FEZ1: variants seen among roughly 807,000 people sequenced by gnomAD.
FEZ1 encodes the protein fasciculation and elongation protein zeta-1.
Under a neutral mutation model 49.3 loss-of-function variants are expected in FEZ1, and 20 were observed. The observed-to-expected ratio is 0.41, with a 90% CI of 0.29 to 0.59. FEZ1 has a LOEUF of 0.59. FEZ1 is among the 20% of genes least tolerant of loss of function. The pLI is 0.36. For synonymous variants in FEZ1, 170 were observed against 180.9 expected (o/e 0.94, Z 0.48); for missense variants, 413 against 476.0 (o/e 0.87, Z 1.23).
intron 2 of FEZ1, chr11:125,488,661 T>C (rs1957351858): frequency 6.3e-6 from 6 of 951,934 alleles, no homozygotes; most frequent in East Asian, 1.2e-4. Context: ...GCCTGGGCGA[T>C]AGAATGAAAC....
intron 5 of FEZ1, among the ~76,000 whole-genome samples, chr11:125,458,835 G>A (rs181298529): frequency 1.3e-4 from 20 of 152,256 alleles, no homozygotes; most frequent in African/African-American, 3.9e-4. Context: ...TTGGGAGGCC[G>A]AGGCAGTCGG....
intron 1 of FEZ1, among the ~76,000 whole-genome samples, chr11:125,491,566 G>A (rs552623302): frequency 2.6e-5 from 4 of 152,128 alleles, no homozygotes; most frequent in African/African-American, 9.7e-5. Context: ...TTTCTCTTCG[G>A]TCTATAGGGT....
At chr11:125,488,518 C>T (rs566925823) in intron 2 of FEZ1, among the ~76,000 whole-genome samples, 1 of 152,074 alleles carries the variant, frequency 6.6e-6, no homozygotes, top group East Asian at 1.9e-4. Context: ...CATCTCTACT[C>T]AAAATACAAA....
In FEZ1 at chr11:125,489,841, G is replaced by A. The variant is rs933907629; in HGVS notation, c.-45-19C>T. The A allele has an allele frequency of 1.7e-5, 26 of 1,504,008 alleles. No individual in the cohort carries two copies. Among genetic ancestry groups the A allele is most frequent in the Admixed American group, 2.3e-5 (1 of 43,000 alleles). 93.2% of individuals were successfully genotyped at this position (1,504,008 alleles called of 1,614,324 possible). ...AGTTTATCTAAAAGAAATGAACAGC[G>A]TAATGTGAGTTTAGACCAGGCTAAT... is the stretch of plus-strand genomic sequence containing the variant. On this transcript the variant is annotated intron_variant, in intron 1 of 9. Coordinates refer to ENST00000278919, the MANE Select transcript of FEZ1 (RefSeq NM_005103.5). The surrounding 1 kb of genome is among the most constrained non-coding windows in gnomAD (Gnocchi z 4.2).
At chr11:125,492,509 T>C (rs1363120258) in intron 1 of FEZ1, among the ~76,000 whole-genome samples, 2 of 152,226 alleles carry the variant, frequency 1.3e-5, no homozygotes, top group African/African-American at 4.8e-5. Flanking sequence ...TTAGAAAAGA[T>C]GGCAGAATGC....
chr11:125,470,405 T>A (rs538287244), intron 3 of FEZ1, among the ~76,000 whole-genome samples: 37 of 152,144 alleles, frequency 2.4e-4, no homozygotes, highest in Admixed American at 5.2e-4. Flanking sequence ...AATAAGCAGA[T>A]AGAATTATGG....
At position 125,489,068 on chromosome 11, in the gene FEZ1, G is replaced by A. The variant is rs1957355630; in HGVS notation, c.311+399C>T. On this transcript the variant is annotated intron_variant, in intron 2 of 9. Transcript: ENST00000278919. This position sits in a 1 kb window ranked among gnomAD's most constrained non-coding sequence, Gnocchi z 4.2. Reference sequence around the variant, plus strand: ...AAAATTCGGGATTTTCAAAATTCTGGTGTTTCTTGAAGCAAATTAGTCCAA... The same window carrying A: ...AAAATTCGGGATTTTCAAAATTCTGATGTTTCTTGAAGCAAATTAGTCCAA... The A allele has an allele frequency of 1.0e-6, 1 of 987,670 alleles. No homozygotes were observed. The highest frequency in any genetic ancestry group is 6.1e-5 in the Admixed American group (1 of 16,330). 61.2% of individuals were successfully genotyped at this position (987,670 alleles called of 1,614,324 possible).
At chr11:125,458,791 G>A (rs528578351) in intron 5 of FEZ1, among the ~76,000 whole-genome samples, 4 of 152,146 alleles carry the variant, frequency 2.6e-5, no homozygotes, top group Non-Finnish European at 5.9e-5. Flanking sequence ...TCATCGGGCC[G>A]GGCGCAGTGG....
chr11:125,460,455 C>G, intron 5 of FEZ1, 43 bp downstream of exon 5: 1 of 1,574,654 alleles, frequency 6.4e-7, no homozygotes, highest in South Asian at 1.1e-5. Flanking sequence ...TGGCCCCGAG[C>G]AGGTGCTTCC....
At chr11:125,492,787 A>G (rs1957393884) in intron 1 of FEZ1, among the ~76,000 whole-genome samples, 2 of 152,140 alleles carry the variant, frequency 1.3e-5, no homozygotes, top group African/African-American at 4.8e-5. Context: ...TATAGAAAGC[A>G]TCCAATAAAT....
chr11:125,456,750 A>G (rs1475195196), intron 5 of FEZ1, among the ~76,000 whole-genome samples: 1 of 152,210 alleles, frequency 6.6e-6, no homozygotes, highest in Admixed American at 6.5e-5. Context: ...TGGGAAATAT[A>G]TAACTTTAAG....
At chr11:125,464,906 G>C (rs534868340) in intron 3 of FEZ1, among the ~76,000 whole-genome samples, 8 of 152,230 alleles carry the variant, frequency 5.3e-5, no homozygotes, top group African/African-American at 1.9e-4. Flanking sequence ...CGATAGCCTC[G>C]TGGTTTCCAC....
At chr11:125,494,910 A>T (rs919740832) in intron 1 of FEZ1, among the ~76,000 whole-genome samples, 3 of 151,792 alleles carry the variant, frequency 2.0e-5, no homozygotes, top group African/African-American at 7.3e-5. Context: ...GCCCCATTCC[A>T]TCTCCTTCTT....
At chr11:125,493,051 G>A (rs144426002) in intron 1 of FEZ1, among the ~76,000 whole-genome samples, 1,800 of 151,864 alleles carry the variant, frequency 0.012, 32 homozygotes, top group African/African-American at 0.032. Flanking sequence ...TGGGGGCTGG[G>A]CACAGTGGCT....
intron 2 of FEZ1, among the ~76,000 whole-genome samples, chr11:125,483,006 T>TAAAAAAAAAAAAAAAAAAAA (rs1957298030): frequency 3.5e-5 from 2 of 57,298 alleles, no homozygotes; most frequent in Non-Finnish European, 7.3e-5. Context: ...AAAAAAAAAC[T>TAAAAAAAAAAAAAAAAAAAA]AAAATATTAG....
rs748611495 is a variant in FEZ1, at chr11:125,456,121, C to T, written c.668-15G>A. On this transcript the variant is annotated splice_polypyrimidine_tract_variant and intron_variant, in intron 5 of 9. Transcript: ENST00000278919. Reference sequence around the variant, plus strand: ...GTGCCTCAGCCCTGCAGGGGAAGACCGTCTCCCGCATAACACCTGCATCCA... The same window carrying T: ...GTGCCTCAGCCCTGCAGGGGAAGACTGTCTCCCGCATAACACCTGCATCCA... The T allele has an allele frequency of 6.4e-6, 10 of 1,564,128 alleles. No individual in the cohort carries two copies. The highest frequency in any genetic ancestry group is 3.6e-5 in the South Asian group (3 of 83,752).
At chr11:125,468,350 T>C (rs1364602724) in intron 3 of FEZ1, among the ~76,000 whole-genome samples, 1 of 152,052 alleles carries the variant, frequency 6.6e-6, no homozygotes, top group Non-Finnish European at 1.5e-5. Flanking sequence ...GCAAACTTTT[T>C]CATTTTTTTG....
chr11:125,487,467 G>C (rs1957335385), intron 2 of FEZ1, among the ~76,000 whole-genome samples: 1 of 152,094 alleles, frequency 6.6e-6, no homozygotes, highest in East Asian at 1.9e-4. Context: ...TAGTTCATTG[G>C]CTGGTGCACT....
intron 1 of FEZ1, among the ~76,000 whole-genome samples, 194 bp from the exon 2 acceptor site, chr11:125,490,016 T>G (rs1957366534): frequency 6.6e-6 from 1 of 152,170 alleles, no homozygotes; most frequent in Non-Finnish European, 1.5e-5. Context: ...GGCAAGTGAT[T>G]AATTGCTCTG....
Sources: gnomAD v4.1 joint callset for allele counts (sites outside exome capture counted in the v4.1 genomes callset) on GRCh38, gnomAD v4.1.1 for gene constraint, Gnocchi (gnomAD v3.1) non-coding constraint, MANE v1.5 for transcripts, NCBI Gene and HGNC (gene_info 2026-07-23, HGNC 2026-07-21) for gene names.